Variants in TRIM37 observed in about 807,000 individuals in gnomAD.
TRIM37 encodes E3 ubiquitin-protein ligase TRIM37.
TRIM37 carries 80 observed loss-of-function variants against 129.8 expected under a neutral mutation model. The observed-to-expected ratio is 0.62, with a 90% CI of 0.51 to 0.74. TRIM37 has a LOEUF of 0.74. Among genes scored for constraint, TRIM37 ranks in the 30% least tolerant of loss-of-function variants. TRIM37 has a pLI of 0.00. For synonymous variants in TRIM37, 389 were observed against 387.1 expected, an observed-to-expected ratio of 1.00 and a Z score of -0.06; for missense variants, 1,054 against 1,176.5, an observed-to-expected ratio of 0.90 and a Z score of 1.52.
intron 15 of TRIM37, 29 bp downstream of exon 15, chr17:59,049,149 C>T (rs774490722): frequency 2.5e-6 from 4 of 1,591,138 alleles, no homozygotes; most frequent in Admixed American, 1.7e-5. Context: ...TAATCAAACA[C>T]AAAAATCTAA....
intron 12 of TRIM37, among the ~76,000 whole-genome samples, chr17:59,058,636 T>C (rs1281449958): frequency 1.3e-5 from 2 of 152,032 alleles, no homozygotes; most frequent in Admixed American, 6.6e-5. Context: ...GGTGGGCAGA[T>C]CGCCTGAGCC....
intron 11 of TRIM37, among the ~76,000 whole-genome samples, chr17:59,061,873 G>C (rs1267047012): frequency 6.6e-6 from 1 of 151,934 alleles, no homozygotes; most frequent in East Asian, 1.9e-4. Context: ...TTCATTTTTA[G>C]TCTACTTTGC....
chr17:58,992,184 C>G (rs2032475971), intron 24 of TRIM37, among the ~76,000 whole-genome samples: 1 of 150,344 alleles, frequency 6.7e-6, no homozygotes, highest in Non-Finnish European at 1.5e-5. Flanking sequence ...AGGGTGAGGC[C>G]TGGGAGAGGC....
intron 23 of TRIM37, among the ~76,000 whole-genome samples, chr17:59,000,783 C>T (rs1423721210): frequency 2.6e-5 from 4 of 151,982 alleles, no homozygotes; most frequent in African/African-American, 9.7e-5. Flanking sequence ...AGTTATCTTA[C>T]AGTAGGCTAG....
the TRIM37 span, chr17:58,969,853 T>A: frequency 1.1e-6 from 1 of 891,262 alleles, no homozygotes; most frequent in Non-Finnish European, 1.7e-6. Context: ...TATTCTTGAC[T>A]CACAGTATTG....
intron 13 of TRIM37, among the ~76,000 whole-genome samples, chr17:59,052,909 C>G (rs1434119139): frequency 6.6e-6 from 1 of 152,036 alleles, no homozygotes; most frequent in African/African-American, 2.4e-5. Flanking sequence ...GAGCCGAGAT[C>G]GCACCACTGC....
intron 9 of TRIM37, among the ~76,000 whole-genome samples, chr17:59,069,065 G>A (rs760567247): frequency 1.3e-5 from 2 of 152,122 alleles, no homozygotes; most frequent in African/African-American, 4.8e-5. Context: ...CAATGAATGC[G>A]GCCAGGCATG....
the TRIM37 span, chr17:58,969,833 A>T: frequency 9.5e-7 from 1 of 1,053,992 alleles, no homozygotes; most frequent in African/African-American, 1.6e-5. Context: ...GGCAGACATT[A>T]TCCAAACTGT....
At position 59,031,753 on chromosome 17, in the gene TRIM37, C is replaced by T; in HGVS notation, c.1948+143G>A. ...GTAATTTAAAAACTAATTTGGTTGA[C>T]ATAAATGTCATTTTTATGGTATACA... On this transcript the variant is annotated intron_variant, in intron 18 of 23. Coordinates refer to ENST00000262294, the MANE Select transcript of TRIM37 (RefSeq NM_015294.6). The T allele has an allele frequency of 4.7e-6, 4 of 851,998 alleles. No individual in the cohort carries two copies. In the South Asian group the frequency reaches 5.4e-5, roughly 12 times the overall value. The allele number at this position is 851,998 out of a possible 1,614,324, so 52.8% of individuals were successfully genotyped here. A position where few individuals can be genotyped will look rare whatever the true frequency, so the allele number is the denominator to read the frequency against.
chr17:59,030,072 T>C (rs997591121), intron 18 of TRIM37, among the ~76,000 whole-genome samples: 2 of 152,214 alleles, frequency 1.3e-5, no homozygotes, highest in Admixed American at 1.3e-4. Flanking sequence ...GTTTTAATTA[T>C]CCAGTATCAC....
At chr17:59,000,143 T>C (rs2033505031) in intron 23 of TRIM37, among the ~76,000 whole-genome samples, 1 of 152,226 alleles carries the variant, frequency 6.6e-6, no homozygotes. Flanking sequence ...GTATATCCTT[T>C]TACTGATTAA....
intron 1 of TRIM37, chr17:59,104,635 A>G (rs1309431215): frequency 1.6e-6 from 1 of 635,548 alleles, no homozygotes; most frequent in South Asian, 1.7e-5. Context: ...AAACACAGAC[A>G]TGCAGAAAAA....
chr17:59,076,922 G>C (rs1378425992), intron 7 of TRIM37, among the ~76,000 whole-genome samples: 1 of 152,084 alleles, frequency 6.6e-6, no homozygotes, highest in East Asian at 1.9e-4. Context: ...CTGAGTAGCT[G>C]AGATTACAGG....
chr17:59,028,070 C>G (rs1598986465), intron 19 of TRIM37, among the ~76,000 whole-genome samples: 1 of 152,190 alleles, frequency 6.6e-6, no homozygotes, highest in African/African-American at 2.4e-5. Context: ...TCCCATCCCA[C>G]TCCTCGGTTG....
chr17:59,033,087 C>G (rs1401490456), intron 17 of TRIM37, among the ~76,000 whole-genome samples: 1 of 152,096 alleles, frequency 6.6e-6, no homozygotes, highest in Non-Finnish European at 1.5e-5. Context: ...TAAAACTGAC[C>G]TTCTTCAATA....
At chr17:59,058,450 G>A (rs562875761) in intron 12 of TRIM37, among the ~76,000 whole-genome samples, 1 of 152,240 alleles carries the variant, frequency 6.6e-6, no homozygotes, top group African/African-American at 2.4e-5. Context: ...TAATTCCTGG[G>A]TGATGAAATA....
intron 7 of TRIM37, among the ~76,000 whole-genome samples, chr17:59,078,946 A>G (rs1017564653): frequency 3.9e-5 from 6 of 152,152 alleles, no homozygotes; most frequent in African/African-American, 1.4e-4. Context: ...TACAAACTCA[A>G]AGATATTTGC....
intron 7 of TRIM37, 32 bp from the exon 8 acceptor site, chr17:59,075,746 G>C: frequency 2.0e-6 from 3 of 1,491,948 alleles, no homozygotes; most frequent in East Asian, 2.3e-5. Flanking sequence ...TCAACACTTG[G>C]GTTCATTATT....
chr17:58,979,997 A>G (rs1158334219), downstream of TRIM37: 1 of 1,613,944 alleles, frequency 6.2e-7, no homozygotes, highest in Non-Finnish European at 8.5e-7. Context: ...TAAGCCATAT[A>G]TCTGTGGGGA....
Sources: gnomAD v4.1 joint callset for allele counts (sites outside exome capture counted in the v4.1 genomes callset) on GRCh38, gnomAD v4.1.1 for gene constraint, MANE v1.5 for transcripts, NCBI Gene and HGNC (gene_info 2026-07-23, HGNC 2026-07-21) for gene names.